The following RSRC1 variants were observed in gnomAD, a reference collection of about 807,000 sequenced individuals.
RSRC1 encodes the protein serine/Arginine-related protein 53.
In RSRC1, 39 loss-of-function variants were observed where a neutral mutation model predicts 49.1. The observed-to-expected ratio is 0.79, with a 90% CI of 0.61 to 1.04. The LOEUF (loss-of-function observed/expected upper bound fraction) is 1.04, where lower values mean the gene tolerates loss of function less well. RSRC1 is among the 50% of genes least tolerant of loss of function. The pLI is 0.00. For missense variants in RSRC1, 388 were observed against 402.4 expected (o/e 0.96, Z 0.31); for synonymous variants, 143 against 130.8 (o/e 1.09, Z -0.63).
intron 5 of RSRC1, among the ~76,000 whole-genome samples, chr3:158,312,645 A>G (rs982083415): frequency 2.6e-5 from 4 of 152,182 alleles, no homozygotes; most frequent in African/African-American, 9.7e-5. Context: ...AATAATCAGT[A>G]AGAAATTATC....
intron 3 of RSRC1, among the ~76,000 whole-genome samples, chr3:158,144,130 T>A (rs1716925271): frequency 6.6e-6 from 1 of 152,134 alleles, no homozygotes; most frequent in African/African-American, 2.4e-5. Flanking sequence ...GAAATAGAAA[T>A]TTTTTTTAAA....
chr3:158,517,299 A>T (rs1000320548), intron 7 of RSRC1, among the ~76,000 whole-genome samples: 1 of 152,148 alleles, frequency 6.6e-6, no homozygotes, highest in Non-Finnish European at 1.5e-5. Flanking sequence ...AAATACAATC[A>T]TCTTATCTTT....
intron 3 of RSRC1, among the ~76,000 whole-genome samples, chr3:158,128,392 T>C (rs12485440): frequency 0.71 from 108,226 of 152,088 alleles, 39,247 homozygotes; most frequent in African/African-American, 0.83. Context: ...AAGTTCCATA[T>C]AGGTATTTTG....
intron 5 of RSRC1, among the ~76,000 whole-genome samples, chr3:158,311,710 A>G (rs1375600764): frequency 6.6e-6 from 1 of 152,040 alleles, no homozygotes; most frequent in African/African-American, 2.4e-5. Context: ...AGTAGATCTT[A>G]AATACTCTTA....
At chr3:158,424,361 G>T (rs1308337693) in intron 6 of RSRC1, among the ~76,000 whole-genome samples, 1 of 151,846 alleles carries the variant, frequency 6.6e-6, no homozygotes. Flanking sequence ...CTTTGGTTCT[G>T]TTTATATGCT....
At chr3:158,417,237 T>C (rs1048456746) in intron 6 of RSRC1, among the ~76,000 whole-genome samples, 1 of 152,112 alleles carries the variant, frequency 6.6e-6, no homozygotes, top group African/African-American at 2.4e-5. Context: ...ATCTGAGACC[T>C]CTAGTTTATC....
At chr3:158,331,579 A>C (rs1343354037) in intron 5 of RSRC1, among the ~76,000 whole-genome samples, 1 of 152,054 alleles carries the variant, frequency 6.6e-6, no homozygotes, top group Non-Finnish European at 1.5e-5. Context: ...AAGCCTAAAA[A>C]TTCAGCCCTT....
intron 6 of RSRC1, among the ~76,000 whole-genome samples, chr3:158,411,850 C>T (rs6781103): frequency 3.5e-4 from 53 of 152,100 alleles, no homozygotes; most frequent in African/African-American, 1.3e-3. Context: ...TTGGTATATC[C>T]TGGATATGAG....
intron 4 of RSRC1, among the ~76,000 whole-genome samples, chr3:158,238,645 T>C (rs925697595): frequency 1.7e-4 from 26 of 152,050 alleles, no homozygotes; most frequent in Non-Finnish European, 3.2e-4. Context: ...AAATGGTGCT[T>C]GGAAAACTGG....
intron 3 of RSRC1, among the ~76,000 whole-genome samples, chr3:158,125,437 A>G (rs1361423864): frequency 6.6e-6 from 1 of 151,866 alleles, no homozygotes; most frequent in Non-Finnish European, 1.5e-5. Context: ...ATTTGTTTAA[A>G]GGTATTTTCT....
At chr3:158,476,266 T>C (rs1307362893) in intron 7 of RSRC1, among the ~76,000 whole-genome samples, 2 of 152,162 alleles carry the variant, frequency 1.3e-5, no homozygotes, top group Non-Finnish European at 2.9e-5. Context: ...AACGTAAAAG[T>C]GCAAGATGAA....
chr3:158,240,709 G>C (rs1723522879), intron 4 of RSRC1, among the ~76,000 whole-genome samples: 1 of 152,126 alleles, frequency 6.6e-6, no homozygotes, highest in Non-Finnish European at 1.5e-5. Context: ...AAAATTTTCA[G>C]TAAATAACAA....
intron 7 of RSRC1, among the ~76,000 whole-genome samples, chr3:158,487,921 G>A (rs1220121793): frequency 1.8e-5 from 2 of 111,086 alleles, no homozygotes; most frequent in African/African-American, 3.6e-5. Flanking sequence ...TTGCACTCCA[G>A]CCTAGGAGAC....
chr3:158,239,344 G>A (rs554115812), intron 4 of RSRC1, among the ~76,000 whole-genome samples: 6 of 152,264 alleles, frequency 3.9e-5, no homozygotes, highest in East Asian at 3.9e-4. Context: ...ATTTGACACC[G>A]CAATTCCATT....
Position 158,539,738 on chromosome 3 carries a change from T to G in RSRC1, c.759+2540T>G, listed in dbSNP as rs1002397719. On this transcript the variant is annotated intron_variant, in intron 8 of 9. Transcript: ENST00000611884. The surrounding 1 kb of genome is among the most constrained non-coding windows in gnomAD (Gnocchi z 4.1). ...AATAAAGAAGCAATTAGTGGTTCTC[T>G]CTACAAATTTTTAATTGCCCGTTAT... Among the ~76,000 whole-genome samples, 1 of 152,166 alleles carries G rather than the reference T, an allele frequency of 6.6e-6. No homozygotes were observed. Among genetic ancestry groups the G allele is most frequent in the Non-Finnish European group, 1.5e-5 (1 of 68,006 alleles).
intron 4 of RSRC1, among the ~76,000 whole-genome samples, chr3:158,241,608 G>A (rs1723585059): frequency 6.6e-6 from 1 of 151,916 alleles, no homozygotes; most frequent in Admixed American, 6.6e-5. Context: ...CGGGTTAAGT[G>A]AAAACCCAGA....
At chr3:158,533,096 C>A (rs1712494845) in intron 7 of RSRC1, among the ~76,000 whole-genome samples, 1 of 151,700 alleles carries the variant, frequency 6.6e-6, no homozygotes, top group Admixed American at 6.6e-5. Flanking sequence ...TCAAGACATA[C>A]ATTTGTGGTC....
chr3:158,345,586 A>T (rs1730507240), intron 5 of RSRC1, among the ~76,000 whole-genome samples: 2 of 152,000 alleles, frequency 1.3e-5, no homozygotes, highest in South Asian at 4.1e-4. Flanking sequence ...AAAATTGGGA[A>T]TGCAAAGGAA....
At chr3:158,165,086 G>C (rs995390531) in intron 3 of RSRC1, among the ~76,000 whole-genome samples, 1 of 152,130 alleles carries the variant, frequency 6.6e-6, no homozygotes, top group Non-Finnish European at 1.5e-5. Flanking sequence ...GGCTAGTTAG[G>C]GTTTTGAGAG....
Sources: gnomAD v4.1 joint callset for allele counts (sites outside exome capture counted in the v4.1 genomes callset) on GRCh38, gnomAD v4.1.1 for gene constraint, Gnocchi (gnomAD v3.1) non-coding constraint, MANE v1.5 for transcripts, NCBI Gene and HGNC (gene_info 2026-07-23, HGNC 2026-07-21) for gene names.